Variants in CWC25 observed in about 807,000 individuals in gnomAD.
The protein encoded by CWC25 is CWC25 spliceosome associated protein.
CWC25 carries 31 observed loss-of-function variants against 54.6 expected under a neutral mutation model. The ratio of observed to expected loss-of-function variants is 0.57; its 90% CI spans 0.43 to 0.77. The LOEUF is 0.77. Ranked by LOEUF, CWC25 falls within the 30% of genes least tolerant of loss-of-function variation. CWC25 has a pLI of 0.00. For synonymous variants in CWC25, 151 were observed against 187.0 expected (o/e 0.81, Z 1.57); for missense variants, 453 against 529.3 (o/e 0.86, Z 1.41).
At chr17:38,810,736 A>G in intron 4 of CWC25, 141 bp from the exon 5 acceptor site, 1 of 648,924 alleles carries the variant, frequency 1.5e-6, no homozygotes. Context: ...CAGCCTGGCC[A>G]ACATGGCAAA....
chr17:38,824,220 A>C (rs535709011), intron 1 of CWC25, among the ~76,000 whole-genome samples: 1 of 152,156 alleles, frequency 6.6e-6, no homozygotes, highest in African/African-American at 2.4e-5. Flanking sequence ...CATTTACCCT[A>C]TTTGGGGCCT....
In CWC25 at chr17:38,802,186, G is replaced by A. The variant is rs1459817577; in HGVS notation, c.1184C>T (p.Ala395Val). 11 of 1,613,280 alleles carry A rather than the reference G, an allele frequency of 6.8e-6. No homozygotes were observed. In the South Asian group the frequency reaches 1.2e-4, roughly 18 times the overall value. ...CCGATCCTCCAGGGAGGAAGTAGAT[G>A]CACTCTCCAGCTTCATGCGGCTAGG... Reference protein sequence around the residue: ...KFIHRMKLESASTSSLEDRVK... With the variant: ...KFIHRMKLESVSTSSLEDRVK... The change falls in exon 10 of 10, where the codon GCA becomes GTA. Residue 395 changes from alanine (A) to valine (V), a missense_variant. Ala to Val is a moderately conservative substitution (Grantham distance 64). Coordinates refer to ENST00000614790, the MANE Select transcript of CWC25 (RefSeq NM_017748.5).
chr17:38,822,606 T>C (rs1356276745), intron 1 of CWC25, among the ~76,000 whole-genome samples: 1 of 152,080 alleles, frequency 6.6e-6, no homozygotes, highest in Non-Finnish European at 1.5e-5. Flanking sequence ...CTAAAGACAA[T>C]TGTAAACTAG....
intron 7 of CWC25, 74 bp downstream of exon 7, chr17:38,806,691 A>C: frequency 7.3e-7 from 1 of 1,362,262 alleles, no homozygotes; most frequent in Non-Finnish European, 9.9e-7. Context: ...GACATCACCA[A>C]AAGCAAAAAC....
intron 6 of CWC25, among the ~76,000 whole-genome samples, 166 bp from the exon 7 acceptor site, chr17:38,807,142 G>A (rs1007359610): frequency 5.3e-5 from 8 of 151,746 alleles, no homozygotes; most frequent in Non-Finnish European, 4.4e-5. Context: ...GGCCAACATG[G>A]TGAAACCCTG....
intron 2 of CWC25, among the ~76,000 whole-genome samples, chr17:38,819,259 G>A (rs1911827366): frequency 6.6e-6 from 1 of 151,350 alleles, no homozygotes; most frequent in South Asian, 2.1e-4. Context: ...GAGTGCAATG[G>A]CGTGATCTCA....
intron 5 of CWC25, 114 bp from the exon 6 acceptor site, chr17:38,809,879 G>T: frequency 1.1e-6 from 1 of 875,072 alleles, no homozygotes; most frequent in Non-Finnish European, 1.8e-6. Context: ...CCGCCTCCCA[G>T]CAGTTACCTG....
chr17:38,812,623 G>T (rs949381472), intron 4 of CWC25, among the ~76,000 whole-genome samples, 172 bp downstream of exon 4: 1 of 151,622 alleles, frequency 6.6e-6, no homozygotes, highest in African/African-American at 2.4e-5. Flanking sequence ...TTGAAACTCC[G>T]TCTCAAAAAC....
At position 38,806,793 on chromosome 17, in the gene CWC25, T is replaced by C. The variant is rs939529384; in HGVS notation, c.874A>G (p.Arg292Gly). The C allele has an allele frequency of 1.6e-5, 26 of 1,606,232 alleles. No individual in the cohort carries two copies. The highest frequency in any genetic ancestry group is 1.3e-4 in the East Asian group (6 of 44,786). The change falls in exon 7 of 10, where the codon AGG (arginine) becomes GGG (glycine). Residue 292 changes from arginine (R) to glycine (G), a missense_variant. By Grantham distance (125) the Arg-to-Gly change is moderately radical (BLOSUM62 -2). Coordinates refer to ENST00000614790, the MANE Select transcript of CWC25 (RefSeq NM_017748.5). ...TTGCTGGGTCTTGGGGACCGTGACC[T>C]TCTGCCCAGGGATCGAGACCTCCTG... ...RDRRSRSLGR[R>G]SRSPRPSKLH... is the part of the protein sequence containing the mutation.
chr17:38,823,469 T>TA (rs1220000846), intron 1 of CWC25, among the ~76,000 whole-genome samples: 2,382 of 139,720 alleles, frequency 0.017, 51 homozygotes, highest in African/African-American at 0.055. Flanking sequence ...GACTCCATCT[T>TA]AAAAAAAAAA....
rs1409451532 is a variant in CWC25 at position 38,810,605 on chromosome 17, G to T, written c.499-10C>A. 7.6e-7 allele frequency: 1 copy of T among 1,308,448 alleles called. No homozygotes were observed. The allele number at this position is 1,308,448 out of a possible 1,614,324, so 81.1% of individuals were successfully genotyped here. A position where few individuals can be genotyped will look rare whatever the true frequency, so the allele number is the denominator to read the frequency against. On this transcript the variant is annotated splice_polypyrimidine_tract_variant and intron_variant, in intron 4 of 9. Transcript: ENST00000614790. ...CCAGACTCATTTGCAACTGGAAAAT[G>T]CCGAGAACACAAGCACACAAGATTA...
intron 6 of CWC25, 127 bp downstream of exon 6, chr17:38,809,575 A>G: frequency 1.4e-6 from 1 of 736,282 alleles, no homozygotes; most frequent in Non-Finnish European, 2.2e-6. Flanking sequence ...GAAGGTGCTC[A>G]GCGATAAGAA....
Position 38,806,873 on chromosome 17 carries a change from T to G in CWC25, c.794A>C (p.His265Pro). The stretch of plus-strand genomic sequence containing the variant: ...CTTGCTGGCATGTCTTGGGGGTGAG[T>G]GGGAGGAGCTTCTGGATCTGGAATG... ...KNHSRSRSSS[H>P]SPPRHASKKS... is the part of the protein sequence containing the mutation. Residue 265 changes from histidine (H) to proline (P), a missense_variant, in exon 7 of 10, where the codon CAC becomes CCC. Transcript: ENST00000614790. The G allele has an allele frequency of 6.2e-7, 1 of 1,613,502 alleles. No homozygotes were observed. The highest frequency in any genetic ancestry group is 8.5e-7 in the Non-Finnish European group (1 of 1,179,762).
intron 8 of CWC25, 107 bp downstream of exon 8, chr17:38,806,190 G>T (rs1048232175): frequency 1.1e-6 from 1 of 939,764 alleles, no homozygotes; most frequent in Non-Finnish European, 1.7e-6. Flanking sequence ...ATAAATAAAA[G>T]TTGGTTCGTC....
Position 38,820,895 on chromosome 17 carries a change from A to C in CWC25, c.191+6T>G. 1 of 1,608,456 alleles carries C rather than the reference A, an allele frequency of 6.2e-7. No individual in the cohort carries two copies. The highest frequency in any genetic ancestry group is 1.7e-5 in the Admixed American group (1 of 58,996). On this transcript the variant is annotated splice_donor_region_variant and intron_variant, in intron 2 of 9. Coordinates refer to ENST00000614790, the MANE Select transcript of CWC25 (RefSeq NM_017748.5). The stretch of plus-strand genomic sequence containing the variant: ...CACACAAGCGCACCCCCAGCTCCTC[A>C]CTTACTTGACGGCCCCAACATCCTC...
intron 1 of CWC25, 40 bp downstream of exon 1, chr17:38,825,126 C>T (rs751625436): frequency 2.7e-6 from 4 of 1,481,734 alleles, no homozygotes; most frequent in African/African-American, 1.4e-5. Flanking sequence ...ATTTCCGTCC[C>T]GGCCTCAGTC....
chr17:38,809,491 T>C (rs1911398598), intron 6 of CWC25, among the ~76,000 whole-genome samples: 2 of 152,032 alleles, frequency 1.3e-5, no homozygotes. Context: ...AAATTATTTG[T>C]AGAGGGATGG....
intron 2 of CWC25, among the ~76,000 whole-genome samples, chr17:38,818,608 A>G (rs1911798449): frequency 6.6e-6 from 1 of 150,942 alleles, no homozygotes; most frequent in South Asian, 2.1e-4. Context: ...AAAAAAAAAA[A>G]AAAAAAGAAC....
chr17:38,813,548 C>CA (rs35706016), intron 3 of CWC25, among the ~76,000 whole-genome samples: 3,444 of 103,066 alleles, frequency 0.033, 68 homozygotes, highest in Middle Eastern at 0.054. Context: ...GAGATTGTCT[C>CA]AAAAAAAAAA....
Sources: gnomAD v4.1 joint callset for allele counts (sites outside exome capture counted in the v4.1 genomes callset) on GRCh38, gnomAD v4.1.1 for gene constraint, MANE v1.5 for transcripts, NCBI Gene and HGNC (gene_info 2026-07-23, HGNC 2026-07-21) for gene names.